Variants in SASH1 observed in about 807,000 individuals in gnomAD.
SASH1 encodes the protein SAM and SH3 domain containing 1, also known as SAM and SH3 domain-containing protein 1.
SASH1 carries 44 observed loss-of-function variants against 125.2 expected under a neutral mutation model. The observed-to-expected ratio is 0.35, with a 90% CI of 0.28 to 0.45. The LOEUF is 0.45. Among genes scored for constraint, SASH1 ranks in the 20% least tolerant of loss-of-function variants. The pLI, the probability that SASH1 is intolerant of heterozygous loss-of-function variation, is 1.00. For synonymous variants in SASH1, 639 were observed against 649.1 expected (o/e 0.98, Z 0.24); for missense variants, 1,426 against 1,614.5 (o/e 0.88, Z 2.00).
chr6:148,326,355 TATGC>T (rs1287757762), intron 1 of SASH1, among the ~76,000 whole-genome samples: 1,799 of 82,378 alleles, frequency 0.022, 132 homozygotes, highest in Non-Finnish European at 0.035. Context: ...TATATATATA[TATGC>T]ATATATATAT....
intron 4 of SASH1, among the ~76,000 whole-genome samples, chr6:148,447,396 C>T (rs990339373): frequency 2.6e-5 from 4 of 152,184 alleles, no homozygotes; most frequent in South Asian, 2.1e-4. Context: ...GACAATGCTT[C>T]GCTCTCAGGT....
intron 4 of SASH1, among the ~76,000 whole-genome samples, chr6:148,446,088 CTTTTTTTTT>C (rs576798745): frequency 8.9e-4 from 63 of 70,986 alleles, no homozygotes; most frequent in African/African-American, 1.6e-3. Flanking sequence ...ACATAGGGTT[CTTTTTTTTT>C]TTTTTTTTTT....
intron 4 of SASH1, among the ~76,000 whole-genome samples, chr6:148,447,676 CTCCTCTTCTTCT>C (rs1354737007): frequency 5.9e-5 from 4 of 67,844 alleles, no homozygotes; most frequent in African/African-American, 1.8e-4. Flanking sequence ...CTTGTTCTTC[CTCCTCTTCTTCT>C]TCCTCTTCTC....
At chr6:148,406,320 T>C (rs553795562) in intron 2 of SASH1, among the ~76,000 whole-genome samples, 1 of 152,222 alleles carries the variant, frequency 6.6e-6, no homozygotes, top group South Asian at 2.1e-4. Flanking sequence ...GAGTAAAATC[T>C]ATTTCTGAGC....
At chr6:148,345,677 T>C (rs184589996) in intron 1 of SASH1, among the ~76,000 whole-genome samples, 57 of 152,340 alleles carry the variant, frequency 3.7e-4, no homozygotes, top group African/African-American at 1.3e-3. Context: ...AACAGTTGAC[T>C]TTATTCTCAC....
At chr6:148,224,119 G>C in the SASH1 span, among the ~76,000 whole-genome samples, 1 of 152,094 alleles carries the variant, frequency 6.6e-6, no homozygotes. Flanking sequence ...CATGGTGATA[G>C]CTTGTCTCTA....
At chr6:148,251,585 G>A in the SASH1 span, among the ~76,000 whole-genome samples, 4 of 152,054 alleles carry the variant, frequency 2.6e-5, no homozygotes, top group African/African-American at 9.7e-5. Flanking sequence ...TATTCAGACG[G>A]GTAAGAAGCC....
At chr6:148,490,451 A>G (rs974942284) in intron 8 of SASH1, among the ~76,000 whole-genome samples, 1 of 152,074 alleles carries the variant, frequency 6.6e-6, no homozygotes, top group Non-Finnish European at 1.5e-5. Flanking sequence ...CTTGTGATCC[A>G]CCCACCTCGG....
intron 1 of SASH1, among the ~76,000 whole-genome samples, chr6:148,296,991 C>A (rs532308380): frequency 6.6e-6 from 1 of 152,304 alleles, no homozygotes; most frequent in South Asian, 2.1e-4. Flanking sequence ...TGAGGTTAAC[C>A]TAAGGAAAGA....
At chr6:148,438,007 T>G (rs916480485) in intron 2 of SASH1, among the ~76,000 whole-genome samples, 1 of 152,184 alleles carries the variant, frequency 6.6e-6, no homozygotes, top group African/African-American at 2.4e-5. Context: ...ATGACTATTA[T>G]GATTACTAGT....
At chr6:148,524,116 TATATA>T (rs1277669459) in intron 10 of SASH1, among the ~76,000 whole-genome samples, 2 of 93,040 alleles carry the variant, frequency 2.1e-5, no homozygotes, top group African/African-American at 3.5e-5. Flanking sequence ...TATATATATA[TATATA>T]TTTTTTTTAA....
At chr6:148,470,742 T>C (rs1778064472) in intron 5 of SASH1, among the ~76,000 whole-genome samples, 1 of 152,140 alleles carries the variant, frequency 6.6e-6, no homozygotes, top group South Asian at 2.1e-4. Flanking sequence ...CACAGCGGGA[T>C]TGCAGTCTTG....
At position 148,412,506 on chromosome 6, in the gene SASH1, A is replaced by G. The variant is rs184180084; in HGVS notation, c.285+22244A>G. Among the ~76,000 whole-genome samples, 356 of 152,328 alleles carry G rather than the reference A, an allele frequency of 2.3e-3. 1 individual carries two copies. Among genetic ancestry groups the G allele is most frequent in the Non-Finnish European group, 4.0e-3 (274 of 68,030 alleles). ...TGTACCATAGTTATGTCAGTTTGCA[A>G]TGAGTTCCCTAAAAGCTATGCGTAT... is the stretch of plus-strand genomic sequence containing the variant. On this transcript the variant is annotated intron_variant, in intron 2 of 19. Transcript: ENST00000367467.
rs1562470003 is a variant in SASH1 at position 148,511,364 on chromosome 6, CA to C, written c.730-2959del. On this transcript the variant is annotated intron_variant, in intron 8 of 19. Transcript: ENST00000367467. ...ACACACACACACACACACACACACA[CA>C]CACACACACCTTGGATGACCTGGAT... 6.0e-5 allele frequency among the ~76,000 whole-genome samples: 9 copies of C among 150,140 alleles called. No individual in the cohort carries two copies. The East Asian group carries it at 7.8e-4, about 13-fold the overall frequency.
At chr6:148,387,603 T>C (rs554425688) in intron 1 of SASH1, among the ~76,000 whole-genome samples, 1,121 of 18,314 alleles carry the variant, frequency 0.061, 46 homozygotes, top group Middle Eastern at 0.13. Context: ...TTTCTTTCTT[T>C]CTTTCTTTCT....
At chr6:148,440,446 A>T (rs1206798652) in intron 4 of SASH1, 39 bp downstream of exon 4, 1 of 1,583,240 alleles carries the variant, frequency 6.3e-7, no homozygotes, top group South Asian at 1.1e-5. Flanking sequence ...ACCTTCCAAG[A>T]AGGTGTCTTT....
In SASH1 at chr6:148,451,710, C is replaced by T. The variant is rs148788710; in HGVS notation, c.386+11303C>T. 8.0e-3 allele frequency among the ~76,000 whole-genome samples: 1,225 copies of T among 152,210 alleles called. 14 individuals carry two copies. Among genetic ancestry groups the T allele is most frequent in the East Asian group, 0.027 (142 of 5,180 alleles). ...AAGGTACAATACCAAGAAACTCATA[C>T]GTAATATTGTGATTTAGAAAATCAT... On this transcript the variant is annotated intron_variant, in intron 4 of 19. Coordinates refer to ENST00000367467, the MANE Select transcript of SASH1 (RefSeq NM_015278.5).
rs114635425 is a variant in SASH1 at position 148,329,991 on chromosome 6, G to C, written n.74+57614G>C. ...AAAGACAGAGAACAGACACAAACAGGGTTAACCTCAGGGCTCCACCATGCA... is the reference window on the plus strand; with the variant it reads ...AAAGACAGAGAACAGACACAAACAGCGTTAACCTCAGGGCTCCACCATGCA... On this transcript the variant is annotated intron_variant and non_coding_transcript_variant, in intron 1 of 3. Coordinates refer to the SASH1 transcript ENST00000367469. Among the ~76,000 whole-genome samples the C allele has an allele frequency of 6.3e-3, 964 of 152,208 alleles. 15 individuals carry two copies. Among genetic ancestry groups the C allele is most frequent in the African/African-American group, 0.022 (906 of 41,528 alleles).
upstream of SASH1, among the ~76,000 whole-genome samples, chr6:148,271,207 G>T (rs1225402654): frequency 4.6e-5 from 7 of 152,190 alleles, no homozygotes; most frequent in Middle Eastern, 0.01. Flanking sequence ...ACCGCGCCCA[G>T]CTCATCCACA....
Sources: allele counts gnomAD v4.1 joint callset (sites outside exome capture counted in the v4.1 genomes callset), GRCh38; gene constraint gnomAD v4.1.1; transcripts MANE v1.5; gene names NCBI Gene and HGNC (gene_info 2026-07-23, HGNC 2026-07-21).